The following ANO10 variants were observed in gnomAD, a reference collection of about 807,000 sequenced individuals.
The protein encoded by ANO10 is anoctamin-10.
Under a neutral mutation model 74.7 loss-of-function variants are expected in ANO10, and 77 were observed. The ratio of observed to expected loss-of-function variants is 1.03; its 90% confidence interval spans 0.86 to 1.25. ANO10 has a LOEUF of 1.25. Ranked by LOEUF, ANO10 falls within the 50% of genes most tolerant of loss-of-function variation. The probability of loss-of-function intolerance (pLI) is 0.00; values close to 1 mark genes in which losing one functional copy is unlikely to be tolerated. For synonymous variants in ANO10, 279 were observed against 284.9 expected (o/e 0.98, Z 0.21); for missense variants, 721 against 778.1 (o/e 0.93, Z 0.87).
chr3:43,495,223 T>TA (rs956703202), intron 11 of ANO10, among the ~76,000 whole-genome samples: 4 of 151,766 alleles, frequency 2.6e-5, no homozygotes, highest in African/African-American at 9.7e-5. Flanking sequence ...AAAATAATTT[T>TA]AAAAAAACAA....
intron 11 of ANO10, among the ~76,000 whole-genome samples, chr3:43,456,936 G>A (rs2075156260): frequency 6.6e-6 from 1 of 152,118 alleles, no homozygotes; most frequent in Non-Finnish European, 1.5e-5. Context: ...TCTTGCTCCA[G>A]AGCCATCTAT....
At chr3:43,539,007 G>T (rs2078840018) in intron 11 of ANO10, among the ~76,000 whole-genome samples, 1 of 152,108 alleles carries the variant, frequency 6.6e-6, no homozygotes, top group Non-Finnish European at 1.5e-5. Flanking sequence ...ATACCATTTT[G>T]GAATAAAATG....
intron 1 of ANO10, among the ~76,000 whole-genome samples, chr3:43,636,074 C>A (rs760121311): frequency 7.9e-5 from 12 of 151,858 alleles, no homozygotes; most frequent in Non-Finnish European, 1.8e-4. Context: ...TGTAGGTTTC[C>A]CCGGAAGCAG....
At chr3:43,567,018 G>A (rs552927410) in intron 7 of ANO10, among the ~76,000 whole-genome samples, 10 of 152,142 alleles carry the variant, frequency 6.6e-5, no homozygotes, top group South Asian at 2.1e-4. Context: ...ACCAAGGCTC[G>A]AGAACTACGT....
At position 43,555,048 on chromosome 3, in the gene ANO10, G is replaced by C. The variant is rs537907340; in HGVS notation, c.1668+230C>G. Reference sequence around the variant, plus strand: ...ATTGTCAGAGTTTCACATCTAAAAGGGGTCTTAGAAATTATATTTATCTCC... The same window carrying C: ...ATTGTCAGAGTTTCACATCTAAAAGCGGTCTTAGAAATTATATTTATCTCC... On this transcript the variant is annotated intron_variant, in intron 10 of 12. Transcript: ENST00000292246. Among the ~76,000 whole-genome samples, 11 of 152,186 alleles carry C rather than the reference G, an allele frequency of 7.2e-5. No homozygotes were observed. In the South Asian group the frequency reaches 1.0e-3, roughly 14 times the overall value.
intron 1 of ANO10, among the ~76,000 whole-genome samples, chr3:43,609,956 G>C (rs1238471287): frequency 6.6e-6 from 1 of 152,064 alleles, no homozygotes; most frequent in Non-Finnish European, 1.5e-5. Flanking sequence ...TACTACTGTA[G>C]ACTTTATAAA....
chr3:43,469,908 G>A (rs1183630946), intron 11 of ANO10, among the ~76,000 whole-genome samples: 1 of 152,194 alleles, frequency 6.6e-6, no homozygotes, highest in East Asian at 1.9e-4. Flanking sequence ...GTGATGGCTA[G>A]TGCTGTCAGG....
intron 1 of ANO10, among the ~76,000 whole-genome samples, chr3:43,633,645 C>T (rs909519460): frequency 6.6e-6 from 1 of 152,136 alleles, no homozygotes; most frequent in Non-Finnish European, 1.5e-5. Context: ...TCATGAGTGT[C>T]AAGAACTACA....
intron 1 of ANO10, among the ~76,000 whole-genome samples, chr3:43,608,728 C>T (rs1021771153): frequency 2.0e-5 from 3 of 152,022 alleles, no homozygotes; most frequent in Admixed American, 1.3e-4. Flanking sequence ...ACCACAGGTG[C>T]GTGCCATGAC....
At chr3:43,523,412 T>C (rs2078045827) in intron 11 of ANO10, among the ~76,000 whole-genome samples, 2 of 151,678 alleles carry the variant, frequency 1.3e-5, no homozygotes, top group African/African-American at 4.8e-5. Context: ...ATCAGATTTC[T>C]GTTTCAGAAT....
rs556556726 is a variant in ANO10 at position 43,401,583 on chromosome 3, G to A, written c.1914+31028C>T. ...TGGTTTCATGGTTCAATTTGTTTCA[G>A]GCAAAATGAACTATTATGAAATATC... On this transcript the variant is annotated intron_variant, in intron 12 of 12. Coordinates refer to ENST00000292246, the MANE Select transcript of ANO10 (RefSeq NM_018075.5). 2.6e-5 allele frequency among the ~76,000 whole-genome samples: 4 copies of A among 152,124 alleles called. No homozygotes were observed. The East Asian group carries it at 7.7e-4, about 29-fold the overall frequency.
At chr3:43,670,540 A>G (rs2084046302) in intron 1 of ANO10, among the ~76,000 whole-genome samples, 1 of 152,296 alleles carries the variant, frequency 6.6e-6, no homozygotes, top group South Asian at 2.1e-4. Flanking sequence ...AATATTCATG[A>G]CAAGTGCAAC....
At position 43,590,803 on chromosome 3, in the gene ANO10, T is replaced by C. The variant is rs116076959; in HGVS notation, c.472+7729A>G. Among the ~76,000 whole-genome samples, 718 of 152,316 alleles carry C rather than the reference T, an allele frequency of 4.7e-3. 5 individuals carry two copies. Among genetic ancestry groups the C allele is most frequent in the African/African-American group, 0.017 (688 of 41,580 alleles). ...ATATGAACTGGTTCTTGGGCATCTG[T>C]CTGCCTGTGACAGATAGGACTAGCT... On this transcript the variant is annotated intron_variant, in intron 4 of 12. Transcript: ENST00000292246.
chr3:43,426,537 C>A (rs1210174372), intron 12 of ANO10, among the ~76,000 whole-genome samples: 5 of 118,512 alleles, frequency 4.2e-5, no homozygotes, highest in Admixed American at 1.8e-4. Context: ...AGGCTCTAGG[C>A]AGCCAGCCCT....
At chr3:43,386,742 C>T (rs138882099) in intron 12 of ANO10, among the ~76,000 whole-genome samples, 1 of 151,140 alleles carries the variant, frequency 6.6e-6, no homozygotes, top group Non-Finnish European at 1.5e-5. Context: ...AGGGGTCATG[C>T]CTGGGCTGCC....
intron 1 of ANO10, among the ~76,000 whole-genome samples, chr3:43,652,294 G>A (rs2083796833): frequency 6.6e-6 from 1 of 151,924 alleles, no homozygotes. Flanking sequence ...GCTGGCATAA[G>A]GATAGATATA....
intron 11 of ANO10, among the ~76,000 whole-genome samples, chr3:43,446,305 A>G (rs1320157263): frequency 6.6e-6 from 1 of 152,196 alleles, no homozygotes; most frequent in Non-Finnish European, 1.5e-5. Flanking sequence ...GTAACCTTTG[A>G]TATCTTTGTC....
At chr3:43,671,243 T>C (rs2084055538) in intron 1 of ANO10, among the ~76,000 whole-genome samples, 1 of 152,136 alleles carries the variant, frequency 6.6e-6, no homozygotes, top group African/African-American at 2.4e-5. Flanking sequence ...ATAACATAGT[T>C]CTGAGTACTT....
At chr3:43,628,688 C>A (rs1371333496) in intron 1 of ANO10, among the ~76,000 whole-genome samples, 3 of 152,092 alleles carry the variant, frequency 2.0e-5, no homozygotes, top group Non-Finnish European at 4.4e-5. Flanking sequence ...AGAGAATATG[C>A]ACTTAGGGGT....
Sources: allele counts gnomAD v4.1 joint callset (sites outside exome capture counted in the v4.1 genomes callset), GRCh38; gene constraint gnomAD v4.1.1; transcripts MANE v1.5; gene names NCBI Gene and HGNC (gene_info 2026-07-23, HGNC 2026-07-21).